EGFR: variants seen among roughly 807,000 people sequenced by gnomAD.
EGFR encodes avian erythroblastic leukemia viral (v-erb-b) oncogene homolog.
Under a neutral mutation model 143.0 loss-of-function variants are expected in EGFR, and 58 were observed. The observed-to-expected ratio is 0.41, with a 90% CI of 0.33 to 0.50. EGFR has a LOEUF of 0.50. Among genes scored for constraint, EGFR ranks in the 20% least tolerant of loss-of-function variants. The pLI, the probability that EGFR is intolerant of heterozygous loss-of-function variation, is 0.39. For missense variants in EGFR, 1,307 were observed against 1,579.0 expected (o/e 0.83, Z 2.92); for synonymous variants, 613 against 594.4 (o/e 1.03, Z -0.45).
rs375629971 is a variant in EGFR at position 55,191,913 on chromosome 7, C to T, written c.2625+39C>T. 1.1e-5 allele frequency: 18 copies of T among 1,610,838 alleles called. No individual in the cohort carries two copies. The African/African-American group carries it at 2.3e-4, about 20-fold the overall frequency. ...TTTAGGTCAGCCAGCATTTTCCTGA[C>T]ACCAGGGACCAGGCTGCCTTCCCAC... On this transcript the variant is annotated intron_variant, in intron 21 of 27. Coordinates refer to ENST00000275493, the MANE Select transcript of EGFR (RefSeq NM_005228.5).
chr7:55,193,996 G>T (rs1444130622), intron 22 of EGFR, among the ~76,000 whole-genome samples: 2 of 152,242 alleles, frequency 1.3e-5, no homozygotes, highest in Non-Finnish European at 1.5e-5. Flanking sequence ...TCAATTAATG[G>T]AACAGATAAG....
At chr7:55,196,424 C>A (rs1787622346) in intron 22 of EGFR, among the ~76,000 whole-genome samples, 1 of 151,654 alleles carries the variant, frequency 6.6e-6, no homozygotes, top group South Asian at 2.1e-4. Context: ...GTTATTAGAC[C>A]CTTCTCAGAT....
In EGFR at chr7:55,163,756, A is replaced by G. The variant is rs1162236403; in HGVS notation, c.1655A>G (p.Asn552Ser). Residue 552 changes from asparagine to serine, a missense_variant, in exon 14 of 28, where the codon AAC becomes AGC. Physicochemically the swap from Asn to Ser is conservative, Grantham distance 46 (BLOSUM62 1). Around this residue, in one of 7 missense-constraint regions of EGFR, gnomAD observed 250 missense variants for 295.1 expected, o/e 0.85. Transcript: ENST00000275493. ...LEGEPREFVE[N>S]SECIQCHPEC... ...AGTGAGCCAAGGGAGTTTGTGGAGAACTCTGAGTGCATACAGTGCCACCCA... is the reference window on the plus strand; with the variant it reads ...AGTGAGCCAAGGGAGTTTGTGGAGAGCTCTGAGTGCATACAGTGCCACCCA... The G allele has an allele frequency of 1.9e-6, 3 of 1,614,088 alleles. No homozygotes were observed. Among genetic ancestry groups the G allele is most frequent in the Admixed American group, 3.3e-5 (2 of 60,020 alleles).
intron 1 of EGFR, among the ~76,000 whole-genome samples, chr7:55,047,601 G>C (rs1788251775): frequency 6.6e-6 from 1 of 152,108 alleles, no homozygotes; most frequent in Non-Finnish European, 1.5e-5. Context: ...AATGCAAAAA[G>C]TTAGCCAGGC....
At chr7:55,051,870 G>A (rs1020219272) in intron 1 of EGFR, among the ~76,000 whole-genome samples, 1 of 152,064 alleles carries the variant, frequency 6.6e-6, no homozygotes, top group Non-Finnish European at 1.5e-5. Flanking sequence ...CCTTTTCTTT[G>A]CCTGGAAAAC....
At chr7:55,201,125 T>G (rs2128971339) in intron 24 of EGFR, 63 bp from the exon 25 acceptor site, 1 of 1,609,780 alleles carries the variant, frequency 6.2e-7, no homozygotes, top group Non-Finnish European at 8.5e-7. Context: ...CCTGCTCCTA[T>G]AGCCAAGAAG....
At chr7:55,130,331 G>A (rs992396417) in intron 1 of EGFR, among the ~76,000 whole-genome samples, 4 of 152,164 alleles carry the variant, frequency 2.6e-5, no homozygotes, top group Admixed American at 6.5e-5. Context: ...ACAGGAGTGC[G>A]GCCCTATTGC....
intron 1 of EGFR, among the ~76,000 whole-genome samples, chr7:55,110,113 A>G (rs1264231920): frequency 6.6e-6 from 1 of 152,224 alleles, no homozygotes; most frequent in Admixed American, 6.5e-5. Context: ...ATTTCCAGAG[A>G]CAACAAGTTT....
intron 15 of EGFR, among the ~76,000 whole-genome samples, chr7:55,167,432 TGAG>T (rs1335838963): frequency 1.4e-5 from 2 of 143,964 alleles, no homozygotes; most frequent in Non-Finnish European, 3.0e-5. Context: ...GTGATGGTGA[TGAG>T]GAGGTGGGAG....
rs1786364163 is a variant in EGFR at position 55,019,268 on chromosome 7, G to C, written c.-10G>C. On this transcript the variant is annotated 5_prime_UTR_variant, in exon 1 of 28. Transcript: ENST00000275493. ...CGGGAGAGCCGGAGCGAGCTCTTCG[G>C]GGAGCAGCGATGCGACCCTCCGGGA... The C allele has an allele frequency of 4.0e-6, 6 of 1,495,294 alleles. No homozygotes were observed. Among genetic ancestry groups the C allele is most frequent in the East Asian group, 2.9e-5 (1 of 34,862 alleles). The allele number at this position is 1,495,294 out of a possible 1,614,324, so 92.6% of individuals were successfully genotyped here.
intron 7 of EGFR, among the ~76,000 whole-genome samples, chr7:55,154,636 TTTTG>T (rs1339411567): frequency 6.6e-6 from 1 of 152,182 alleles, no homozygotes; most frequent in African/African-American, 2.4e-5. Flanking sequence ...ATTGCAGAGG[TTTTG>T]TTTTTGTTTT....
chr7:55,143,640 T>A (rs1794595116), intron 3 of EGFR, 152 bp downstream of exon 3: 1 of 856,036 alleles, frequency 1.2e-6, no homozygotes, highest in Non-Finnish European at 1.8e-6. Flanking sequence ...TGTAAGATAC[T>A]GCAGGGGAAG....
chr7:55,164,707 G>A (rs774347650), intron 14 of EGFR, among the ~76,000 whole-genome samples: 1 of 152,116 alleles, frequency 6.6e-6, no homozygotes, highest in Non-Finnish European at 1.5e-5. Context: ...CTGAAGTGTG[G>A]GGCACACAAC....
At chr7:55,050,737 C>T (rs147236782) in intron 1 of EGFR, among the ~76,000 whole-genome samples, 2 of 152,310 alleles carry the variant, frequency 1.3e-5, no homozygotes, top group African/African-American at 4.8e-5. Flanking sequence ...AGCCCTCTGC[C>T]TCTGTTCACG....
At chr7:55,098,991 A>C (rs1384167269) in intron 1 of EGFR, among the ~76,000 whole-genome samples, 1 of 152,212 alleles carries the variant, frequency 6.6e-6, no homozygotes, top group Non-Finnish European at 1.5e-5. Context: ...GAAAGTGATG[A>C]GAACCTGGCC....
intron 26 of EGFR, 120 bp downstream of exon 26, chr7:55,201,902 T>C (rs2128972710): frequency 7.7e-7 from 1 of 1,291,626 alleles, no homozygotes; most frequent in South Asian, 1.2e-5. Context: ...TCTTCCTGTG[T>C]GGGTTTTTCC....
At chr7:55,045,107 C>T (rs1177045777) in intron 1 of EGFR, among the ~76,000 whole-genome samples, 1 of 152,198 alleles carries the variant, frequency 6.6e-6, no homozygotes, top group Non-Finnish European at 1.5e-5. Flanking sequence ...CCTGCATCAC[C>T]TCCAGTTGAG....
intron 15 of EGFR, chr7:55,168,729 G>A (rs943216066): frequency 4.7e-5 from 32 of 683,568 alleles, no homozygotes; most frequent in African/African-American, 4.3e-4. Context: ...ATATAATCTT[G>A]TTATTGCCAC....
At chr7:55,126,312 C>T (rs1488592004) in intron 1 of EGFR, among the ~76,000 whole-genome samples, 1 of 152,204 alleles carries the variant, frequency 6.6e-6, no homozygotes, top group African/African-American at 2.4e-5. Context: ...CGTTTTTGCA[C>T]ATACTAATCC....
Sources: gnomAD v4.1 joint callset for allele counts (sites outside exome capture counted in the v4.1 genomes callset) on GRCh38, gnomAD v4.1.1 for gene constraint, gnomAD v4.1.1 regional missense constraint, MANE v1.5 for transcripts, NCBI Gene and HGNC (gene_info 2026-07-23, HGNC 2026-07-21) for gene names.